The following REDIC1 variants were observed in gnomAD, a reference collection of about 807,000 sequenced individuals.
REDIC1 encodes the protein HEI10 Interacting Protein 1.
At chr12:39,711,574 C>CATGTGT in the REDIC1 span, among the ~76,000 whole-genome samples, 2 of 56,498 alleles carry the variant, frequency 3.5e-5, no homozygotes, top group African/African-American at 1.1e-4. Context: ...TGTATATGTG[C>CATGTGT]ATACACATGC....
chr12:39,817,978 A>C, the REDIC1 span, among the ~76,000 whole-genome samples: 3 of 152,094 alleles, frequency 2.0e-5, no homozygotes, highest in East Asian at 5.8e-4. Flanking sequence ...CTATTTTGTC[A>C]GTTTCTCCTC....
the REDIC1 span, among the ~76,000 whole-genome samples, chr12:39,797,581 G>A: frequency 7.5e-3 from 1,135 of 152,158 alleles, 12 homozygotes; most frequent in African/African-American, 0.026. Context: ...GGACAACTTC[G>A]TCCCTTTTGT....
At chr12:39,861,829 G>A in the REDIC1 span, among the ~76,000 whole-genome samples, 110,750 of 152,110 alleles carry the variant, frequency 0.73, 41,127 homozygotes, top group African/African-American at 0.88. Flanking sequence ...TTATCTTTGT[G>A]CACACTTTTA....
the REDIC1 span, among the ~76,000 whole-genome samples, chr12:39,666,444 G>A: frequency 6.6e-6 from 1 of 152,260 alleles, no homozygotes; most frequent in East Asian, 1.9e-4. Context: ...TAAGCTTTTT[G>A]ATATGCTGCT....
At chr12:39,878,269 G>T in the REDIC1 span, among the ~76,000 whole-genome samples, 1 of 152,240 alleles carries the variant, frequency 6.6e-6, no homozygotes, top group South Asian at 2.1e-4. Context: ...AAATGTGGAA[G>T]TGACGTTGGC....
At chr12:39,745,902 G>C in the REDIC1 span, 1 of 152,204 alleles carries the variant, frequency 6.6e-6, no homozygotes, top group Non-Finnish European at 1.5e-5. Flanking sequence ...CTGCAGGAAT[G>C]CTTGAGATGC....
chr12:39,683,570 G>T, the REDIC1 span: 55 of 1,116,218 alleles, frequency 4.9e-5, no homozygotes, highest in African/African-American at 7.9e-4. Context: ...AGTGAGGTAG[G>T]CGTATTGCCA....
the REDIC1 span, among the ~76,000 whole-genome samples, chr12:39,777,280 T>C: frequency 2.6e-5 from 4 of 152,140 alleles, no homozygotes; most frequent in African/African-American, 9.7e-5. Context: ...ATTGAAATAA[T>C]AGCAACAAAC....
the REDIC1 span, chr12:39,830,590 C>A: frequency 3.3e-5 from 19 of 580,218 alleles, no homozygotes; most frequent in Non-Finnish European, 4.0e-5. Context: ...CCAGCCCTGA[C>A]TGGTTCCAAG....
At chr12:39,635,798 G>T in the REDIC1 span, among the ~76,000 whole-genome samples, 1 of 151,774 alleles carries the variant, frequency 6.6e-6, no homozygotes, top group East Asian at 1.9e-4. Flanking sequence ...ATTAAAAAAA[G>T]AAGTTTGTTT....
chr12:39,715,149 T>C, the REDIC1 span, among the ~76,000 whole-genome samples: 1 of 151,916 alleles, frequency 6.6e-6, no homozygotes, highest in Non-Finnish European at 1.5e-5. Flanking sequence ...AGCCAATGTC[T>C]AGAAGGGTTT....
chr12:39,658,044 A>C, the REDIC1 span, among the ~76,000 whole-genome samples: 1 of 151,644 alleles, frequency 6.6e-6, no homozygotes, highest in Admixed American at 6.6e-5. Flanking sequence ...GTATCTTACA[A>C]ATTTTGAAAT....
the REDIC1 span, among the ~76,000 whole-genome samples, chr12:39,630,837 C>T: frequency 6.6e-6 from 1 of 152,102 alleles, no homozygotes; most frequent in African/African-American, 2.4e-5. Context: ...ATTTATTCTT[C>T]GTCTGTTAAA....
chr12:39,744,138 T>C, the REDIC1 span, among the ~76,000 whole-genome samples: 1 of 152,226 alleles, frequency 6.6e-6, no homozygotes, highest in Non-Finnish European at 1.5e-5. Flanking sequence ...AGAATTATGT[T>C]TGACTTCCCC....
chr12:39,869,813 CA>C, the REDIC1 span, among the ~76,000 whole-genome samples: 1 of 152,168 alleles, frequency 6.6e-6, no homozygotes, highest in South Asian at 2.1e-4. Flanking sequence ...GTTCAAGCAA[CA>C]AAGGCTCACT....
At chr12:39,855,134 A>G in the REDIC1 span, among the ~76,000 whole-genome samples, 1 of 152,198 alleles carries the variant, frequency 6.6e-6, no homozygotes, top group African/African-American at 2.4e-5. Flanking sequence ...TACATTCACT[A>G]TGGTGTTGAA....
chr12:39,897,021 A>C, the REDIC1 span, among the ~76,000 whole-genome samples: 1 of 152,170 alleles, frequency 6.6e-6, no homozygotes, highest in Admixed American at 6.5e-5. Context: ...TGAGGAAGAG[A>C]CCAACAAGTT....
the REDIC1 span, among the ~76,000 whole-genome samples, chr12:39,698,808 A>T: frequency 6.6e-6 from 1 of 152,324 alleles, no homozygotes; most frequent in African/African-American, 2.4e-5. Context: ...TTGAAACACA[A>T]TATACCAAAA....
the REDIC1 span, chr12:39,721,213 G>A: frequency 6.2e-7 from 1 of 1,613,324 alleles, no homozygotes; most frequent in Non-Finnish European, 8.5e-7. Context: ...TATTAAGGCA[G>A]ATACCACTGG....
Sources: allele counts gnomAD v4.1 joint callset (sites outside exome capture counted in the v4.1 genomes callset), GRCh38; gene constraint gnomAD v4.1.1; transcripts MANE v1.5; gene names NCBI Gene and HGNC (gene_info 2026-07-23, HGNC 2026-07-21).